NUDT3: variants seen among roughly 807,000 people sequenced by gnomAD.
NUDT3 encodes nudix hydrolase 3, also known as diphosphoinositol polyphosphate phosphohydrolase 1.
NUDT3 carries 9 observed loss-of-function variants against 23.6 expected under a neutral mutation model. That is an observed-to-expected ratio of 0.38 (90% CI 0.23 to 0.66). The LOEUF (loss-of-function observed/expected upper bound fraction) is 0.66, where lower values mean the gene tolerates loss of function less well. NUDT3 is among the 30% of genes least tolerant of loss of function. NUDT3 has a pLI of 0.52. For synonymous variants in NUDT3, 86 were observed against 82.6 expected (o/e 1.04, Z -0.22); for missense variants, 172 against 218.5 (o/e 0.79, Z 1.34).
intron 1 of NUDT3, among the ~76,000 whole-genome samples, chr6:34,379,421 G>A (rs1162367792): frequency 6.6e-6 from 1 of 151,832 alleles, no homozygotes; most frequent in South Asian, 2.1e-4. Context: ...TTAGCTGGGC[G>A]TGTTAGCAGG....
chr6:34,392,557 C>G lies in NUDT3; in HGVS notation c.-195G>C. On this transcript the variant is annotated 5_prime_UTR_variant, in exon 1 of 5. Transcript: ENST00000607016. ...CCCAGGCCCAGGTCCCGCGCCGCCG[C>G]TGCCACCGTCACGGCTGCCGTCTCC... is the stretch of plus-strand genomic sequence containing the variant. 2.6e-6 allele frequency: 1 copy of G among 378,486 alleles called. No individual in the cohort carries two copies. Among genetic ancestry groups the G allele is most frequent in the Non-Finnish European group, 4.7e-6 (1 of 212,386 alleles). 23.4% of individuals were successfully genotyped at this position (378,486 alleles called of 1,614,324 possible). A position where few individuals can be genotyped will look rare whatever the true frequency, so the allele number is the denominator to read the frequency against.
chr6:34,304,229 T>A lies in NUDT3; in HGVS notation c.211-8544A>T, dbSNP rs558947369. The stretch of plus-strand genomic sequence containing the variant: ...TTACGCCACTGTACTCCAGCCTGGG[T>A]GACAAGAGTGAAACTCTGTCTCAAA... On this transcript the variant is annotated intron_variant, in intron 2 of 4. Coordinates refer to ENST00000607016, the MANE Select transcript of NUDT3 (RefSeq NM_006703.4). 1.1e-4 allele frequency among the ~76,000 whole-genome samples: 15 copies of A among 137,612 alleles called. No individual in the cohort carries two copies. In the Admixed American group the frequency reaches 1.2e-3, roughly 11 times the overall value. 90.3% of individuals were successfully genotyped at this position (137,612 alleles called of 152,430 possible).
At chr6:34,293,953 CCCT>C (rs1273000176) in intron 3 of NUDT3, among the ~76,000 whole-genome samples, 1 of 151,962 alleles carries the variant, frequency 6.6e-6, no homozygotes, top group Non-Finnish European at 1.5e-5. Flanking sequence ...CCACCCACAC[CCCT>C]CTTCCCACCC....
At chr6:34,345,873 A>C (rs1764360875) in intron 1 of NUDT3, among the ~76,000 whole-genome samples, 2 of 151,882 alleles carry the variant, frequency 1.3e-5, no homozygotes, top group African/African-American at 4.8e-5. Context: ...GGTTCAAGCA[A>C]TGCTCCTGCC....
intron 1 of NUDT3, among the ~76,000 whole-genome samples, chr6:34,381,200 T>C (rs2113767583): frequency 6.6e-6 from 1 of 152,132 alleles, no homozygotes; most frequent in South Asian, 2.1e-4. Flanking sequence ...AATTTTTTTA[T>C]AGAGACGAGG....
intron 1 of NUDT3, among the ~76,000 whole-genome samples, chr6:34,352,525 T>C (rs964234324): frequency 6.6e-6 from 1 of 152,190 alleles, no homozygotes; most frequent in African/African-American, 2.4e-5. Flanking sequence ...ATCCATGAAT[T>C]GCATAACTTT....
At chr6:34,354,987 C>A (rs1211453364) in intron 1 of NUDT3, among the ~76,000 whole-genome samples, 1 of 151,752 alleles carries the variant, frequency 6.6e-6, no homozygotes, top group Non-Finnish European at 1.5e-5. Flanking sequence ...GATAGTTTTG[C>A]CTCTTCCCCT....
At position 34,286,127 on chromosome 6, in the gene NUDT3, G is replaced by A. The variant is rs1763331097; in HGVS notation, c.*2626C>T. 6.6e-6 allele frequency: 1 copy of A among 152,172 alleles called. No individual in the cohort carries two copies. Among genetic ancestry groups the A allele is most frequent in the African/African-American group, 2.4e-5 (1 of 41,428 alleles). 9.4% of individuals were successfully genotyped at this position (152,172 alleles called of 1,614,324 possible). ...GACAGAGTCTTACTCTGTTGCCCAG[G>A]CTGGAGTGCAGTGGCATGATCTTGG... On this transcript the variant is annotated 3_prime_UTR_variant, in exon 5 of 5. Transcript: ENST00000607016.
At chr6:34,384,412 G>A (rs1437738830) in intron 1 of NUDT3, among the ~76,000 whole-genome samples, 1 of 152,104 alleles carries the variant, frequency 6.6e-6, no homozygotes, top group Non-Finnish European at 1.5e-5. Context: ...TTTCTCCCTG[G>A]GTAAAAACAG....
intron 1 of NUDT3, among the ~76,000 whole-genome samples, chr6:34,377,400 G>A (rs1764941562): frequency 6.6e-6 from 1 of 152,032 alleles, no homozygotes; most frequent in East Asian, 1.9e-4. Context: ...ATTTTAAGAA[G>A]CATCGTACTG....
chr6:34,349,190 T>C (rs545290539), intron 1 of NUDT3, among the ~76,000 whole-genome samples: 1 of 152,274 alleles, frequency 6.6e-6, no homozygotes, highest in African/African-American at 2.4e-5. Context: ...GAAAGGTTAC[T>C]TTGACATATG....
At chr6:34,296,352 T>C (rs1333399487) in intron 2 of NUDT3, among the ~76,000 whole-genome samples, 1 of 152,038 alleles carries the variant, frequency 6.6e-6, no homozygotes, top group African/African-American at 2.4e-5. Flanking sequence ...GGCGGGTGGA[T>C]CACTTGAGCT....
intron 2 of NUDT3, among the ~76,000 whole-genome samples, chr6:34,319,039 TAA>T (rs57832381): frequency 0.11 from 15,580 of 140,552 alleles, 858 homozygotes; most frequent in Non-Finnish European, 0.13. Context: ...GCTGGGACAG[TAA>T]AAAAAAAAAA....
At position 34,390,618 on chromosome 6, in the gene NUDT3, G is replaced by A. The variant is rs534875721; in HGVS notation, c.99+1646C>T. On this transcript the variant is annotated intron_variant, in intron 1 of 4. Transcript: ENST00000607016. Reference sequence around the variant, plus strand: ...CTTGGCCTCACCACCTTGGTCTCCTGAAGTGCTAGGATTACAGGCGTGAGC... The same window carrying A: ...CTTGGCCTCACCACCTTGGTCTCCTAAAGTGCTAGGATTACAGGCGTGAGC... 1.0e-3 allele frequency among the ~76,000 whole-genome samples: 158 copies of A among 152,246 alleles called. 1 individual carries two copies. The highest frequency in any genetic ancestry group is 3.3e-3 in the African/African-American group (138 of 41,546).
At chr6:34,310,702 G>C (rs1351073572) in intron 2 of NUDT3, among the ~76,000 whole-genome samples, 3 of 152,128 alleles carry the variant, frequency 2.0e-5, no homozygotes, top group African/African-American at 7.2e-5. Flanking sequence ...TATGAGGCCA[G>C]CGTTACCCTC....
intron 2 of NUDT3, among the ~76,000 whole-genome samples, chr6:34,316,981 G>A (rs187063965): frequency 6.6e-6 from 1 of 152,302 alleles, no homozygotes; most frequent in East Asian, 1.9e-4. Context: ...AGTGGTGATG[G>A]TGGCTTGGAC....
At chr6:34,348,775 C>CA (rs376596504) in intron 1 of NUDT3, among the ~76,000 whole-genome samples, 17,303 of 145,386 alleles carry the variant, frequency 0.12, 1,200 homozygotes, top group Non-Finnish European at 0.16. Flanking sequence ...GACTCCGTCT[C>CA]AAAAAAAAAA....
At chr6:34,339,452 T>C (rs563182501) in intron 2 of NUDT3, among the ~76,000 whole-genome samples, 1 of 152,310 alleles carries the variant, frequency 6.6e-6, no homozygotes, top group African/African-American at 2.4e-5. Context: ...TGCAGTAGTA[T>C]CTCAAAATCA....
At chr6:34,305,206 T>G (rs1484034120) in intron 2 of NUDT3, among the ~76,000 whole-genome samples, 1 of 151,984 alleles carries the variant, frequency 6.6e-6, no homozygotes, top group Non-Finnish European at 1.5e-5. Flanking sequence ...GGTCTCGAAC[T>G]CCTGACTTCA....
Sources: gnomAD v4.1 joint callset for allele counts (sites outside exome capture counted in the v4.1 genomes callset) on GRCh38, gnomAD v4.1.1 for gene constraint, MANE v1.5 for transcripts, NCBI Gene and HGNC (gene_info 2026-07-23, HGNC 2026-07-21) for gene names.